Variants in LHFPL3 observed in about 807,000 individuals in gnomAD.
The protein encoded by LHFPL3 is LHFPL tetraspan subfamily member 3 protein.
A neutral mutation model predicts 19.3 loss-of-function variants in LHFPL3; 5 were observed. That is an observed-to-expected ratio of 0.26 (90% confidence interval 0.14 to 0.54). The LOEUF is 0.54. Ranked by LOEUF, LHFPL3 falls within the 20% of genes least tolerant of loss-of-function variation. LHFPL3 has a pLI of 0.94. For missense variants in LHFPL3, 249 were observed against 307.4 expected, an observed-to-expected ratio of 0.81 and a Z score of 1.42; for synonymous variants, 133 against 126.2, an observed-to-expected ratio of 1.05 and a Z score of -0.36.
intron 1 of LHFPL3, among the ~76,000 whole-genome samples, chr7:104,628,855 T>A (rs912022269): frequency 5.3e-5 from 8 of 152,182 alleles, no homozygotes; most frequent in Non-Finnish European, 1.0e-4. Flanking sequence ...AGGCTATAAT[T>A]TTTGGAGGCC....
At chr7:104,412,839 A>C (rs1030465210) in intron 1 of LHFPL3, among the ~76,000 whole-genome samples, 1 of 152,158 alleles carries the variant, frequency 6.6e-6, no homozygotes, top group African/African-American at 2.4e-5. Context: ...GATAGACCAG[A>C]TACATCCTAC....
intron 1 of LHFPL3, among the ~76,000 whole-genome samples, chr7:104,461,069 G>A (rs1369598036): frequency 6.6e-6 from 1 of 152,166 alleles, no homozygotes; most frequent in Non-Finnish European, 1.5e-5. Flanking sequence ...AGGTTTAATT[G>A]ACTCACAGTT....
At chr7:104,388,115 T>C (rs1017259698) in intron 1 of LHFPL3, among the ~76,000 whole-genome samples, 1 of 152,166 alleles carries the variant, frequency 6.6e-6, no homozygotes, top group African/African-American at 2.4e-5. Context: ...AAGGACATGA[T>C]CTCACTCCTT....
rs1190578172 is a variant in LHFPL3, at chr7:104,524,891, AT to A, written c.445+195674del. Among the ~76,000 whole-genome samples the A allele has an allele frequency of 3.3e-5, 5 of 152,046 alleles. No homozygotes were observed. In the East Asian group the frequency reaches 9.6e-4, roughly 29 times the overall value. On this transcript the variant is annotated intron_variant, in intron 1 of 2. Coordinates refer to ENST00000424859, the MANE Select transcript of LHFPL3 (RefSeq NM_199000.3). ...CAGAACCAAAAAATGGTTTTTATTC[AT>A]TTTTTTCTGGTTTGGCTTCTGCATT...
intron 1 of LHFPL3, among the ~76,000 whole-genome samples, chr7:104,701,284 C>A (rs1793094784): frequency 6.6e-6 from 1 of 151,964 alleles, no homozygotes; most frequent in African/African-American, 2.4e-5. Flanking sequence ...ATAGTTGACC[C>A]TTGAACAATG....
chr7:104,729,574 A>G (rs536346579), intron 1 of LHFPL3, among the ~76,000 whole-genome samples: 1 of 152,140 alleles, frequency 6.6e-6, no homozygotes, highest in Non-Finnish European at 1.5e-5. Flanking sequence ...CTCCACTTCT[A>G]TGAGATCAAC....
intron 1 of LHFPL3, among the ~76,000 whole-genome samples, chr7:104,542,505 A>T (rs1380990135): frequency 6.6e-6 from 1 of 152,058 alleles, no homozygotes; most frequent in African/African-American, 2.4e-5. Context: ...AGACTTCCTA[A>T]ATTAGTCCTA....
At chr7:104,422,470 A>G (rs189628667) in intron 1 of LHFPL3, among the ~76,000 whole-genome samples, 2 of 152,254 alleles carry the variant, frequency 1.3e-5, no homozygotes, top group Admixed American at 1.3e-4. Context: ...TCTTCTAATG[A>G]CAGTCTCTCT....
intron 1 of LHFPL3, among the ~76,000 whole-genome samples, chr7:104,615,048 C>G (rs1791306274): frequency 6.6e-6 from 1 of 152,056 alleles, no homozygotes; most frequent in South Asian, 2.1e-4. Context: ...AGCCACTGTG[C>G]CTGGCCAAAG....
intron 1 of LHFPL3, among the ~76,000 whole-genome samples, chr7:104,392,862 C>T (rs562102731): frequency 1.5e-4 from 23 of 152,230 alleles, no homozygotes; most frequent in East Asian, 1.2e-3. Context: ...CCTCAATTTC[C>T]GAGCCTGTTA....
intron 2 of LHFPL3, among the ~76,000 whole-genome samples, chr7:104,876,460 G>C (rs973610153): frequency 1.3e-5 from 2 of 151,870 alleles, no homozygotes; most frequent in Non-Finnish European, 1.5e-5. Flanking sequence ...CAAAAAGTGG[G>C]CAAAGGATAT....
intron 1 of LHFPL3, among the ~76,000 whole-genome samples, chr7:104,699,541 A>T (rs953846079): frequency 6.6e-6 from 1 of 152,126 alleles, no homozygotes; most frequent in African/African-American, 2.4e-5. Flanking sequence ...AGGGTTGGGG[A>T]GAAAGGAGAA....
chr7:104,896,389 C>A (rs969643649), intron 2 of LHFPL3, among the ~76,000 whole-genome samples: 1 of 152,152 alleles, frequency 6.6e-6, no homozygotes, highest in African/African-American at 2.4e-5. Context: ...AGGGTCAGGC[C>A]CAGTTACCAC....
In LHFPL3 at chr7:104,709,180, C is replaced by A. The variant is rs937832094; in HGVS notation, c.446-27495C>A. Among the ~76,000 whole-genome samples the A allele has an allele frequency of 2.0e-5, 3 of 151,134 alleles. No homozygotes were observed. The East Asian group carries it at 5.8e-4, about 29-fold the overall frequency. ...TTAGGGATGTCATTTTTTTTTATTA[C>A]TATCATAATTTTATTATCCACAATT... On this transcript the variant is annotated intron_variant, in intron 1 of 2. Transcript: ENST00000424859.
intron 2 of LHFPL3, among the ~76,000 whole-genome samples, chr7:104,787,696 G>T (rs1789946929): frequency 6.6e-6 from 1 of 151,892 alleles, no homozygotes; most frequent in South Asian, 2.1e-4. Flanking sequence ...GAGTACAGGT[G>T]CACGCCACCA....
chr7:104,598,909 TGGACTAGACAACA>T (rs142224209), intron 1 of LHFPL3, among the ~76,000 whole-genome samples: 6,591 of 152,306 alleles, frequency 0.043, 165 homozygotes, highest in African/African-American at 0.063. Context: ...TTTTTAGAGA[TGGACTAGACAACA>T]GGTATCATTC....
intron 2 of LHFPL3, among the ~76,000 whole-genome samples, chr7:104,834,974 T>C (rs1431326074): frequency 1.3e-5 from 2 of 151,938 alleles, no homozygotes; most frequent in Non-Finnish European, 2.9e-5. Context: ...TAAATTCACA[T>C]TTTCTTTTTG....
At chr7:104,897,354 C>T (rs60900836) in intron 2 of LHFPL3, among the ~76,000 whole-genome samples, 7,450 of 152,216 alleles carry the variant, frequency 0.049, 589 homozygotes, top group African/African-American at 0.17. Flanking sequence ...CTGGACTCTG[C>T]AGTCCGCTTC....
At position 104,521,268 on chromosome 7, in the gene LHFPL3, T is replaced by G. The variant is rs1428065462; in HGVS notation, c.445+192044T>G. Among the ~76,000 whole-genome samples, 3 of 152,296 alleles carry G rather than the reference T, an allele frequency of 2.0e-5. No homozygotes were observed. In the South Asian group the frequency reaches 6.2e-4, roughly 32 times the overall value. ...TGTAGTTGAGTGGTTTTGAGTGAGA[T>G]TCTTAATCCTGAGTTCTAGTTTGAT... On this transcript the variant is annotated intron_variant, in intron 1 of 2. Coordinates refer to ENST00000424859, the MANE Select transcript of LHFPL3 (RefSeq NM_199000.3).
Sources: gnomAD v4.1 joint callset for allele counts (sites outside exome capture counted in the v4.1 genomes callset) on GRCh38, gnomAD v4.1.1 for gene constraint, MANE v1.5 for transcripts, NCBI Gene and HGNC (gene_info 2026-07-23, HGNC 2026-07-21) for gene names.